OR2T33: variants seen among roughly 807,000 people sequenced by gnomAD.
OR2T33 encodes the protein olfactory receptor 2T33.
A neutral mutation model predicts 14.0 loss-of-function variants in OR2T33; 10 were observed. The observed-to-expected ratio is 0.72, with a 90% CI of 0.44 to 1.22. The LOEUF (loss-of-function observed/expected upper bound fraction) is 1.22, where lower values mean the gene tolerates loss of function less well. Among genes scored for constraint, OR2T33 ranks in the 50% most tolerant of loss-of-function variants. The pLI, the probability that OR2T33 is intolerant of heterozygous loss-of-function variation, is 0.00. For synonymous variants in OR2T33, 103 were observed against 159.4 expected (o/e 0.65, Z 2.66); for missense variants, 276 against 405.9 (o/e 0.68, Z 2.75).
intron 1 of OR2T33, among the ~76,000 whole-genome samples, chr1:248,275,468 G>A (rs1335601329): frequency 6.6e-6 from 1 of 152,082 alleles, no homozygotes; most frequent in Non-Finnish European, 1.5e-5. Flanking sequence ...TCATGTGATT[G>A]CCACAGCCCA....
In OR2T33 at chr1:248,274,976, T is replaced by TA. The variant is rs1040486111; in HGVS notation, c.-8-1155dup. Among the ~76,000 whole-genome samples, 18 of 152,122 alleles carry TA rather than the reference T, an allele frequency of 1.2e-4. No homozygotes were observed. In the East Asian group the frequency reaches 2.5e-3, roughly 21 times the overall value. ...GTTGAGGACTGTTACATATTGAACA[T>TA]AAAAAAAAGTTTTTTAGTGTTTACC... On this transcript the variant is annotated intron_variant, in intron 1 of 1. Coordinates refer to ENST00000641220, the MANE Select transcript of OR2T33 (RefSeq NM_001004695.2).
intron 1 of OR2T33, among the ~76,000 whole-genome samples, 152 bp downstream of exon 1, chr1:248,277,613 A>G (rs6587445): frequency 0.77 from 116,996 of 151,988 alleles, 45,277 homozygotes; most frequent in South Asian, 0.88. Flanking sequence ...ACAGGAAAAC[A>G]TTTACTTTGT....
Position 248,273,191 on chromosome 1 carries a change from G to A in OR2T33, c.624C>T (p.Pro208=). 4 of 1,609,124 alleles carry A rather than the reference G, an allele frequency of 2.5e-6. No homozygotes were observed. The highest frequency in any genetic ancestry group is 3.4e-6 in the Non-Finnish European group (4 of 1,178,054). ...YICCVLMLLV[P]FSLILSSYGL... The stretch of plus-strand genomic sequence containing the variant: ...CATAGGAGGACAGGATGAGGGAAAA[G>A]GGGACCAGGAGCATTAACACACAGC... The change falls in exon 2 of 2, where the codon CCC becomes CCT. Residue 208 remains proline (P), a synonymous_variant. Coordinates refer to ENST00000641220, the MANE Select transcript of OR2T33 (RefSeq NM_001004695.2).
At chr1:248,276,144 A>G (rs1303113547) in intron 1 of OR2T33, among the ~76,000 whole-genome samples, 3 of 152,088 alleles carry the variant, frequency 2.0e-5, no homozygotes, top group East Asian at 1.9e-4. Flanking sequence ...GCAGTTCACA[A>G]TAGGACTCAC....
chr1:248,273,934 A>C lies in OR2T33; in HGVS notation c.-8-112T>G, dbSNP rs74155266. 42 of 1,351,844 alleles carry C rather than the reference A, an allele frequency of 3.1e-5. No individual in the cohort carries two copies. In the African/African-American group the frequency reaches 5.8e-4, roughly 19 times the overall value. 83.7% of individuals were successfully genotyped at this position (1,351,844 alleles called of 1,614,324 possible). On this transcript the variant is annotated intron_variant, in intron 1 of 1. Coordinates refer to ENST00000641220, the MANE Select transcript of OR2T33 (RefSeq NM_001004695.2). The stretch of plus-strand genomic sequence containing the variant: ...ACGTACTGGGTATGTTATCCCAGGT[A>C]GTGATTCAAAGCCCTAACTCCCAGT...
At chr1:248,276,611 CAG>C (rs1659449804) in intron 1 of OR2T33, among the ~76,000 whole-genome samples, 1 of 152,172 alleles carries the variant, frequency 6.6e-6, no homozygotes, top group South Asian at 2.1e-4. Flanking sequence ...TCTCTACAGA[CAG>C]AGGTAAAGAG....
intron 1 of OR2T33, among the ~76,000 whole-genome samples, chr1:248,274,091 A>T (rs1198278959): frequency 1.3e-5 from 2 of 152,140 alleles, no homozygotes; most frequent in Admixed American, 6.5e-5. Context: ...TTCAACTCTC[A>T]AGAATTAGTG....
intron 1 of OR2T33, among the ~76,000 whole-genome samples, chr1:248,275,243 G>T (rs966312290): frequency 6.6e-6 from 1 of 152,178 alleles, no homozygotes; most frequent in Non-Finnish European, 1.5e-5. Flanking sequence ...GATGTGAGCA[G>T]ACACAAACAC....
Position 248,271,703 on chromosome 1 carries a change from C to T in OR2T33, c.*1149G>A, listed in dbSNP as rs1659374424. On this transcript the variant is annotated 3_prime_UTR_variant, in exon 2 of 2. Coordinates refer to ENST00000641220, the MANE Select transcript of OR2T33 (RefSeq NM_001004695.2). ...ACACTTATATTGAAGATACACTGTC[C>T]CTGGAAGCTCTTAGTTATGTCCCAC... 6.6e-6 allele frequency: 1 copy of T among 152,094 alleles called. No homozygotes were observed. Among genetic ancestry groups the T allele is most frequent in the Non-Finnish European group, 1.5e-5 (1 of 68,010 alleles). The allele number at this position is 152,094 out of a possible 1,614,324, so 9.4% of individuals were successfully genotyped here. A position where few individuals can be genotyped will look rare whatever the true frequency, so the allele number is the denominator to read the frequency against.
intron 1 of OR2T33, 139 bp downstream of exon 1, chr1:248,277,626 G>T (rs1170828725): frequency 6.6e-6 from 1 of 152,056 alleles, no homozygotes; most frequent in African/African-American, 2.4e-5. Flanking sequence ...TACTTTGTGT[G>T]ATTTGTCCCT....
intron 1 of OR2T33, 95 bp downstream of exon 1, chr1:248,277,670 T>C (rs917537112): frequency 2.6e-5 from 4 of 152,138 alleles, no homozygotes; most frequent in African/African-American, 9.7e-5. Context: ...AATTCAAAAT[T>C]CATATGTAGA....
intron 1 of OR2T33, among the ~76,000 whole-genome samples, chr1:248,274,715 A>G (rs1336929705): frequency 6.6e-6 from 1 of 152,210 alleles, no homozygotes; most frequent in African/African-American, 2.4e-5. Flanking sequence ...TCGAGTAAGA[A>G]AAGGATAGGA....
intron 1 of OR2T33, among the ~76,000 whole-genome samples, chr1:248,275,124 T>A (rs867337172): frequency 6.6e-6 from 1 of 152,212 alleles, no homozygotes; most frequent in Non-Finnish European, 1.5e-5. Flanking sequence ...CCTTTGTATA[T>A]TTGCAGGATT....
At chr1:248,275,491 C>T (rs1403990094) in intron 1 of OR2T33, among the ~76,000 whole-genome samples, 1 of 152,162 alleles carries the variant, frequency 6.6e-6, no homozygotes, top group Non-Finnish European at 1.5e-5. Flanking sequence ...GACTCCTTGA[C>T]CACAGGCTTC....
At position 248,273,097 on chromosome 1, in the gene OR2T33, A is replaced by G; in HGVS notation, c.718T>C (p.Ser240Pro). The change falls in exon 2 of 2, where the codon TCT becomes CCT. Residue 240 changes from serine to proline, a missense_variant. Ser to Pro is a moderately conservative substitution (Grantham distance 74). Coordinates refer to ENST00000641220, the MANE Select transcript of OR2T33 (RefSeq NM_001004695.2). ...AGTCCCACCACAGCCACATGTGAAG[A>G]GCAGGTGGCAAAGGCCTTCTTGCGG... ...EARKKAFATCSSHVAVVGLFY... is the reference protein window; with the variant it reads ...EARKKAFATCPSHVAVVGLFY... 6.2e-7 allele frequency: 1 copy of G among 1,612,404 alleles called. No homozygotes were observed. Among genetic ancestry groups the G allele is most frequent in the Non-Finnish European group, 8.5e-7 (1 of 1,179,816 alleles).
At position 248,272,763 on chromosome 1, in the gene OR2T33, A is replaced by G; in HGVS notation, c.*89T>C. ...CCTATTATATCAATGCAAAAACTTAATTTTCTCTGCATGAATTGCTAAAGG... is the reference window on the plus strand; with the variant it reads ...CCTATTATATCAATGCAAAAACTTAGTTTTCTCTGCATGAATTGCTAAAGG... On this transcript the variant is annotated 3_prime_UTR_variant, in exon 2 of 2. Transcript: ENST00000641220. The G allele has an allele frequency of 6.7e-7, 1 of 1,494,604 alleles. No individual in the cohort carries two copies. The highest frequency in any genetic ancestry group is 9.0e-7 in the Non-Finnish European group (1 of 1,115,018). 92.6% of individuals were successfully genotyped at this position (1,494,604 alleles called of 1,614,324 possible). A position where few individuals can be genotyped will look rare whatever the true frequency, so the allele number is the denominator to read the frequency against.
At chr1:248,275,634 G>A (rs1161721450) in intron 1 of OR2T33, among the ~76,000 whole-genome samples, 2 of 151,948 alleles carry the variant, frequency 1.3e-5, no homozygotes, top group Admixed American at 6.6e-5. Context: ...CCACCATCGC[G>A]CGTGTATACC....
Position 248,273,332 on chromosome 1 carries a change from G to T in OR2T33, c.483C>A (p.Thr161=), listed in dbSNP as rs528212559. ...AADGLLQAVV[T]LSFPYCGAHE... is the part of the protein sequence containing the mutation. ...GTGCACCACAATATGGGAAGCTCAG[G>T]GTAACAACAGCCTGCAGGAGCCCGT... Residue 161 remains threonine, a synonymous_variant, in exon 2 of 2, where the codon ACC becomes ACA. Coordinates refer to ENST00000641220, the MANE Select transcript of OR2T33 (RefSeq NM_001004695.2). 14 of 1,611,814 alleles carry T rather than the reference G, an allele frequency of 8.7e-6. No individual in the cohort carries two copies. The African/African-American group carries it at 1.7e-4, about 20-fold the overall frequency.
Sources: gnomAD v4.1 joint callset for allele counts (sites outside exome capture counted in the v4.1 genomes callset) on GRCh38, gnomAD v4.1.1 for gene constraint, MANE v1.5 for transcripts, NCBI Gene and HGNC (gene_info 2026-07-23, HGNC 2026-07-21) for gene names.